FYB2: variants seen among roughly 807,000 people sequenced by gnomAD.
The protein encoded by FYB2 is FYN binding protein 2.
In FYB2, 103 loss-of-function variants were observed where a neutral mutation model predicts 94.1. The observed-to-expected ratio is 1.09, with a 90% CI of 0.93 to 1.29. FYB2 has a LOEUF of 1.29. Ranked by LOEUF, FYB2 falls within the 50% of genes most tolerant of loss-of-function variation. The pLI, the probability that FYB2 is intolerant of heterozygous loss-of-function variation, is 0.00. For synonymous variants in FYB2, 293 were observed against 287.9 expected, an observed-to-expected ratio of 1.02 and a Z score of -0.18; for missense variants, 896 against 841.5, an observed-to-expected ratio of 1.06 and a Z score of -0.80.
chr1:56,758,668 C>G lies in FYB2; in HGVS notation c.1098+48G>C, dbSNP rs745435439. The G allele has an allele frequency of 2.8e-6, 4 of 1,424,902 alleles. No individual in the cohort carries two copies. In the African/African-American group the frequency reaches 5.8e-5, roughly 20 times the overall value. 88.3% of individuals were successfully genotyped at this position (1,424,902 alleles called of 1,614,324 possible). ...AGATACTACTTTAGAATCAACCTTGCATGCTTATTTTACTTTTAGTTACAA... is the reference window on the plus strand; with the variant it reads ...AGATACTACTTTAGAATCAACCTTGGATGCTTATTTTACTTTTAGTTACAA... On this transcript the variant is annotated intron_variant, in intron 6 of 19. Transcript: ENST00000343433.
chr1:56,774,109 A>T (rs1645822078), intron 4 of FYB2, among the ~76,000 whole-genome samples: 2 of 152,130 alleles, frequency 1.3e-5, no homozygotes, highest in African/African-American at 2.4e-5. Flanking sequence ...ATGAATTTGG[A>T]GTGATTTTTT....
chr1:56,815,230 C>T (rs1391393968), intron 1 of FYB2, among the ~76,000 whole-genome samples: 1 of 152,088 alleles, frequency 6.6e-6, no homozygotes, highest in Non-Finnish European at 1.5e-5. Flanking sequence ...CTGCCTTCTC[C>T]CCCTCCTTCA....
At chr1:56,748,884 T>C (rs569470808) in intron 9 of FYB2, among the ~76,000 whole-genome samples, 1 of 152,192 alleles carries the variant, frequency 6.6e-6, no homozygotes, top group South Asian at 2.1e-4. Flanking sequence ...CAGTGCATTT[T>C]ATCTGGACAA....
intron 17 of FYB2, among the ~76,000 whole-genome samples, chr1:56,722,530 C>T (rs1013124691): frequency 8.6e-5 from 13 of 151,914 alleles, no homozygotes; most frequent in Admixed American, 6.6e-4. Context: ...GGAGATGCCT[C>T]GACTGGGTCT....
chr1:56,802,540 A>G (rs367865993), intron 1 of FYB2, among the ~76,000 whole-genome samples: 2 of 152,244 alleles, frequency 1.3e-5, no homozygotes, highest in East Asian at 1.9e-4. Context: ...AAGGAACAGC[A>G]TAGACACAGG....
chr1:56,769,477 G>T (rs1485304071), intron 4 of FYB2, among the ~76,000 whole-genome samples: 1 of 152,052 alleles, frequency 6.6e-6, no homozygotes. Context: ...ATTATAAAAA[G>T]AAAGAAGAAA....
chr1:56,719,453 C>A lies in FYB2; in HGVS notation c.*218G>T. On this transcript the variant is annotated 3_prime_UTR_variant, in exon 20 of 20. Coordinates refer to ENST00000343433, the MANE Select transcript of FYB2 (RefSeq NM_001004303.5). ...TCTTGAACTGACAGTGAAGTAGATA[C>A]TGAAATAGACATTGAAAGATAACCT... The A allele has an allele frequency of 2.0e-6, 1 of 492,592 alleles. No individual in the cohort carries two copies. The highest frequency in any genetic ancestry group is 3.6e-6 in the Non-Finnish European group (1 of 279,302). 30.5% of individuals were successfully genotyped at this position (492,592 alleles called of 1,614,324 possible).
intron 5 of FYB2, among the ~76,000 whole-genome samples, chr1:56,766,539 T>G (rs1411475071): frequency 6.6e-6 from 1 of 152,056 alleles, no homozygotes; most frequent in African/African-American, 2.4e-5. Flanking sequence ...GTTCAAGCCA[T>G]TCTCCTGCCT....
rs887738499 is a variant in FYB2, at chr1:56,762,354, C to T, written c.1064-3604G>A. 6.6e-5 allele frequency among the ~76,000 whole-genome samples: 10 copies of T among 151,964 alleles called. 1 individual carries two copies. Among genetic ancestry groups the T allele is most frequent in the South Asian group, 6.2e-4 (3 of 4,812 alleles). On this transcript the variant is annotated intron_variant, in intron 5 of 19. Coordinates refer to ENST00000343433, the MANE Select transcript of FYB2 (RefSeq NM_001004303.5). ...GTTAATTTTACTGTGTTGTGTCTTC[C>T]GATCCATAAACATGGTATGTCTCTC... is the stretch of plus-strand genomic sequence containing the variant.
In FYB2 at chr1:56,743,971, T is replaced by C. The variant is rs958827698; in HGVS notation, c.1543+55A>G. ...AAGACATCTTATCACTAATCAGCCA[T>C]AGAAGCATTCTGCAATTCCTACTGG... is the stretch of plus-strand genomic sequence containing the variant. On this transcript the variant is annotated intron_variant, in intron 11 of 19. Coordinates refer to ENST00000343433, the MANE Select transcript of FYB2 (RefSeq NM_001004303.5). The C allele has an allele frequency of 1.9e-6, 3 of 1,547,792 alleles. No homozygotes were observed. In the African/African-American group the frequency reaches 4.1e-5, roughly 21 times the overall value.
intron 17 of FYB2, 139 bp from the exon 18 acceptor site, chr1:56,720,468 G>T (rs1644464437): frequency 3.0e-6 from 2 of 660,302 alleles, no homozygotes; most frequent in Non-Finnish European, 4.5e-6. Context: ...TACAGGAAGA[G>T]AAAATAGGAA....
In FYB2 at chr1:56,812,230, A is replaced by T. The variant is rs1032197882; in HGVS notation, c.9+7052T>A. 3.9e-5 allele frequency among the ~76,000 whole-genome samples: 6 copies of T among 152,332 alleles called. No homozygotes were observed. The South Asian group carries it at 1.2e-3, about 32-fold the overall frequency. On this transcript the variant is annotated intron_variant, in intron 1 of 19. Coordinates refer to ENST00000343433, the MANE Select transcript of FYB2 (RefSeq NM_001004303.5). ...ATCTGAAACTCACAGAAGATAAGTG[A>T]TTTGCTCAAGGTCATATTTCAAGTA... is the stretch of plus-strand genomic sequence containing the variant.
At chr1:56,781,879 T>C (rs897013277) in intron 4 of FYB2, among the ~76,000 whole-genome samples, 3 of 152,178 alleles carry the variant, frequency 2.0e-5, no homozygotes, top group Non-Finnish European at 2.9e-5. Context: ...CTTTAGTCTT[T>C]GTGCCAGTTA....
chr1:56,819,931 T>A (rs957429651), upstream of FYB2, among the ~76,000 whole-genome samples: 1 of 152,126 alleles, frequency 6.6e-6, no homozygotes, highest in African/African-American at 2.4e-5. Flanking sequence ...ATTCCCATTT[T>A]AAAAGGTGAA....
At chr1:56,749,942 T>C (rs1471177786) in intron 9 of FYB2, among the ~76,000 whole-genome samples, 1 of 152,046 alleles carries the variant, frequency 6.6e-6, no homozygotes, top group Non-Finnish European at 1.5e-5. Flanking sequence ...ATTCTTCACT[T>C]TGTTTTAGTC....
At chr1:56,794,667 C>G (rs1303746788) in intron 1 of FYB2, among the ~76,000 whole-genome samples, 2 of 152,030 alleles carry the variant, frequency 1.3e-5, no homozygotes, top group African/African-American at 2.4e-5. Context: ...CTCTTTATCT[C>G]TCTAACACAC....
the FYB2 span, among the ~76,000 whole-genome samples, chr1:56,826,017 G>A: frequency 0.024 from 3,686 of 152,278 alleles, 126 homozygotes; most frequent in African/African-American, 0.079. Context: ...ACTCAACAGC[G>A]TTCAGTGAGC....
intron 9 of FYB2, among the ~76,000 whole-genome samples, chr1:56,750,324 C>T (rs779909898): frequency 6.6e-6 from 1 of 151,916 alleles, no homozygotes; most frequent in Non-Finnish European, 1.5e-5. Flanking sequence ...TCCAAAATCA[C>T]GGGGTTAGTA....
intron 4 of FYB2, among the ~76,000 whole-genome samples, chr1:56,779,535 C>T (rs550060586): frequency 1.3e-5 from 2 of 152,088 alleles, no homozygotes; most frequent in Non-Finnish European, 1.5e-5. Context: ...CTTTAATATT[C>T]GAGGGATATA....
Sources: gnomAD v4.1 joint callset for allele counts (sites outside exome capture counted in the v4.1 genomes callset) on GRCh38, gnomAD v4.1.1 for gene constraint, MANE v1.5 for transcripts, NCBI Gene and HGNC (gene_info 2026-07-23, HGNC 2026-07-21) for gene names.